Variants in C7 observed in about 807,000 individuals in gnomAD.
C7 encodes complement component C7.
A neutral mutation model predicts 104.8 loss-of-function variants in C7; 83 were observed. The ratio of observed to expected loss-of-function variants is 0.79; its 90% confidence interval spans 0.66 to 0.95. C7 has a LOEUF of 0.95. Among genes scored for constraint, C7 ranks in the 40% least tolerant of loss-of-function variants. The probability of loss-of-function intolerance (pLI) is 0.00; values close to 1 mark genes in which losing one functional copy is unlikely to be tolerated. For missense variants in C7, 1,070 were observed against 1,011.2 expected (o/e 1.06, Z -0.79); for synonymous variants, 415 against 360.6 (o/e 1.15, Z -1.71).
In C7 at chr5:40,949,285, A is replaced by G. The variant is rs1246076826; in HGVS notation, c.983-619A>G. 2.6e-5 allele frequency among the ~76,000 whole-genome samples: 4 copies of G among 151,980 alleles called. No individual in the cohort carries two copies. The East Asian group carries it at 7.7e-4, about 29-fold the overall frequency. On this transcript the variant is annotated intron_variant, in intron 8 of 17. Transcript: ENST00000313164. Reference sequence around the variant, plus strand: ...CTTTAAGAAACATTAAGGTTATTGTAATATAGTTAGTAAATGAGAAAATAT... The same window carrying G: ...CTTTAAGAAACATTAAGGTTATTGTGATATAGTTAGTAAATGAGAAAATAT...
At chr5:40,974,594 A>AT (rs1293375275) in intron 15 of C7, among the ~76,000 whole-genome samples, 1 of 151,314 alleles carries the variant, frequency 6.6e-6, no homozygotes, top group Non-Finnish European at 1.5e-5. Flanking sequence ...TTTTTTTTGT[A>AT]TTTTTAGCAG....
chr5:40,911,740 CTTTTTTT>C (rs536500122), intron 1 of C7, among the ~76,000 whole-genome samples: 1 of 138,646 alleles, frequency 7.2e-6, no homozygotes, highest in African/African-American at 2.7e-5. Context: ...TTCTTTCTTT[CTTTTTTT>C]TTTTTTTTTG....
chr5:40,928,742 A>T, intron 2 of C7, 107 bp downstream of exon 2: 1 of 595,314 alleles, frequency 1.7e-6, no homozygotes, highest in East Asian at 3.1e-5. Context: ...TATCCCTCCA[A>T]CATATTTTCT....
intron 16 of C7, among the ~76,000 whole-genome samples, chr5:40,979,444 T>C (rs1452102944): frequency 6.6e-6 from 1 of 152,188 alleles, no homozygotes; most frequent in East Asian, 1.9e-4. Context: ...TCATCTAATT[T>C]GCTGTACCTG....
intron 2 of C7, among the ~76,000 whole-genome samples, chr5:40,930,077 C>T (rs956933066): frequency 6.6e-6 from 1 of 152,048 alleles, no homozygotes; most frequent in Non-Finnish European, 1.5e-5. Flanking sequence ...ATCTATATTC[C>T]CATAACACAT....
intron 15 of C7, among the ~76,000 whole-genome samples, chr5:40,975,367 T>TTTG (rs1740796287): frequency 1.3e-5 from 1 of 74,608 alleles, no homozygotes; most frequent in Non-Finnish European, 2.7e-5. Flanking sequence ...AGAAGTGTGC[T>TTTG]TTTTTTTTTT....
chr5:40,965,334 C>T (rs957102452), intron 14 of C7, among the ~76,000 whole-genome samples: 2 of 152,086 alleles, frequency 1.3e-5, no homozygotes, highest in Non-Finnish European at 2.9e-5. Flanking sequence ...ATGAATAGGC[C>T]GAGCTGCAGT....
At position 40,976,785 on chromosome 5, in the gene C7, C is replaced by G. The variant is rs1463325220; in HGVS notation, c.2110C>G (p.Arg704Gly). The G allele has an allele frequency of 6.2e-7, 1 of 1,605,944 alleles. No homozygotes were observed. The highest frequency in any genetic ancestry group is 1.7e-5 in the Admixed American group (1 of 59,044). ...AACACAGGCAGTGCCTAAATGTCAG[C>G]GCTGGGAGAAACTGCAGAATTCAAG... ...PLTQAVPKCQ[R>G]WEKLQNSRCV... Residue 704 changes from arginine to glycine, a missense_variant, in exon 16 of 18, where the codon CGC (arginine) becomes GGC (glycine). By Grantham distance (125) the Arg-to-Gly change is moderately radical. Coordinates refer to ENST00000313164, the MANE Select transcript of C7 (RefSeq NM_000587.4).
At chr5:40,965,789 G>T (rs1740538280) in intron 14 of C7, among the ~76,000 whole-genome samples, 1 of 151,492 alleles carries the variant, frequency 6.6e-6, no homozygotes, top group South Asian at 2.1e-4. Context: ...CTACAGGTGT[G>T]TGCCAACACA....
chr5:40,974,351 T>G (rs1296459739), intron 15 of C7, among the ~76,000 whole-genome samples: 1 of 151,630 alleles, frequency 6.6e-6, no homozygotes, highest in Non-Finnish European at 1.5e-5. Flanking sequence ...ATGTTCTTCT[T>G]AAATGCAAAA....
At chr5:40,935,181 G>T (rs954717887) in intron 4 of C7, among the ~76,000 whole-genome samples, 2 of 152,160 alleles carry the variant, frequency 1.3e-5, no homozygotes, top group Non-Finnish European at 2.9e-5. Flanking sequence ...CCTTCAGGAA[G>T]CCTGCCCTAA....
intron 1 of C7, among the ~76,000 whole-genome samples, chr5:40,923,031 GAAC>G (rs1739474592): frequency 6.6e-6 from 1 of 152,020 alleles, no homozygotes; most frequent in Non-Finnish European, 1.5e-5. Flanking sequence ...GAGTAAAGAG[GAAC>G]AACCTATGGA....
chr5:40,914,808 C>A (rs1348185827), intron 1 of C7, among the ~76,000 whole-genome samples: 1 of 152,148 alleles, frequency 6.6e-6, no homozygotes, highest in Non-Finnish European at 1.5e-5. Context: ...CTACCCTATG[C>A]ACATTTGAGA....
intron 14 of C7, among the ~76,000 whole-genome samples, chr5:40,970,337 T>A (rs553013188): frequency 2.0e-5 from 3 of 152,344 alleles, no homozygotes; most frequent in African/African-American, 4.8e-5. Flanking sequence ...ATTTTTTTTT[T>A]AATCATGAAT....
At chr5:40,942,059 G>A (rs1215014144) in intron 6 of C7, among the ~76,000 whole-genome samples, 2 of 152,178 alleles carry the variant, frequency 1.3e-5, no homozygotes. Flanking sequence ...AGTGCCGAAT[G>A]ATGTTGAGAG....
At chr5:40,936,106 CA>C in intron 4 of C7, among the ~76,000 whole-genome samples, 1 of 152,238 alleles carries the variant, frequency 6.6e-6, no homozygotes, top group South Asian at 2.1e-4. Flanking sequence ...ATTCTGAATT[CA>C]GATCCTATTT....
At chr5:40,952,010 T>G (rs543571635) in intron 9 of C7, among the ~76,000 whole-genome samples, 2 of 152,316 alleles carry the variant, frequency 1.3e-5, no homozygotes, top group East Asian at 3.9e-4. Context: ...AGGAAAAGTT[T>G]TTGAATGAAG....
intron 17 of C7, among the ~76,000 whole-genome samples, chr5:40,981,013 C>A (rs943261098): frequency 6.6e-6 from 1 of 152,158 alleles, no homozygotes; most frequent in Non-Finnish European, 1.5e-5. Context: ...AAGTTAAGTT[C>A]TCTTTTTTTC....
intron 1 of C7, among the ~76,000 whole-genome samples, chr5:40,918,949 G>GACACATACAC (rs373397815): frequency 4.3e-5 from 6 of 138,314 alleles, no homozygotes; most frequent in African/African-American, 1.7e-4. Context: ...GAATCTAACA[G>GACACATACAC]ACACACACAC....
Sources: gnomAD v4.1 joint callset for allele counts (sites outside exome capture counted in the v4.1 genomes callset) on GRCh38, gnomAD v4.1.1 for gene constraint, MANE v1.5 for transcripts, NCBI Gene and HGNC (gene_info 2026-07-23, HGNC 2026-07-21) for gene names.